DNM3: variants seen among roughly 807,000 people sequenced by gnomAD.
DNM3 encodes the protein dynamin 3, also known as dynamin-3.
In DNM3, 47 loss-of-function variants were observed where a neutral mutation model predicts 101.6. The observed-to-expected ratio is 0.46, with a 90% CI of 0.37 to 0.59. DNM3 has a LOEUF of 0.59. Among genes scored for constraint, DNM3 ranks in the 20% least tolerant of loss-of-function variants. The probability of loss-of-function intolerance (pLI) is 0.00; values close to 1 mark genes in which losing one functional copy is unlikely to be tolerated. For synonymous variants in DNM3, 385 were observed against 387.9 expected, an observed-to-expected ratio of 0.99 and a Z score of 0.09; for missense variants, 849 against 1,085.7, an observed-to-expected ratio of 0.78 and a Z score of 3.06.
At chr1:172,386,242 TTTGA>T (rs1238874451) in intron 18 of DNM3, among the ~76,000 whole-genome samples, 2 of 124,946 alleles carry the variant, frequency 1.6e-5, no homozygotes, top group Non-Finnish European at 3.6e-5. Flanking sequence ...CCTGTCAAAG[TTTGA>T]TTGATGGTAT....
chr1:171,957,187 CT>C (rs370333201), intron 2 of DNM3, among the ~76,000 whole-genome samples: 78 of 145,090 alleles, frequency 5.4e-4, no homozygotes, highest in African/African-American at 1.9e-3. Context: ...TTTTTCTTTT[CT>C]TTCTTTCTTT....
intron 1 of DNM3, among the ~76,000 whole-genome samples, chr1:171,860,312 T>A (rs1442164644): frequency 6.6e-6 from 1 of 152,176 alleles, no homozygotes; most frequent in Non-Finnish European, 1.5e-5. Flanking sequence ...TTGTGAACTT[T>A]AAATATAGAT....
intron 13 of DNM3, among the ~76,000 whole-genome samples, chr1:172,105,469 C>T (rs141264370): frequency 2.6e-5 from 4 of 152,270 alleles, no homozygotes; most frequent in African/African-American, 9.6e-5. Context: ...TTTGTCTTAT[C>T]CCTCCATCTG....
At chr1:172,045,079 T>C (rs7519236) in intron 9 of DNM3, among the ~76,000 whole-genome samples, 56,823 of 151,326 alleles carry the variant, frequency 0.38, 11,212 homozygotes, top group East Asian at 0.68. Context: ...GCGGGCACAG[T>C]ATATATCCAT....
chr1:171,906,802 T>C (rs569727222), intron 1 of DNM3, among the ~76,000 whole-genome samples: 1 of 152,352 alleles, frequency 6.6e-6, no homozygotes, highest in East Asian at 1.9e-4. Context: ...TGCTATGTGC[T>C]TTATGCATGT....
intron 15 of DNM3, among the ~76,000 whole-genome samples, chr1:172,261,978 G>A (rs1573190760): frequency 6.6e-6 from 1 of 152,292 alleles, no homozygotes; most frequent in South Asian, 2.1e-4. Flanking sequence ...GGGAAGGAGT[G>A]GAGCTGAGCC....
chr1:172,343,633 G>A (rs2066792367), intron 17 of DNM3, among the ~76,000 whole-genome samples: 1 of 152,106 alleles, frequency 6.6e-6, no homozygotes, highest in Admixed American at 6.5e-5. Context: ...GAAGCAGCCA[G>A]CTGAAAAATC....
chr1:172,290,051 A>G, intron 15 of DNM3: 2 of 919,144 alleles, frequency 2.2e-6, no homozygotes, highest in Non-Finnish European at 2.6e-6. Flanking sequence ...ATTTATTGTC[A>G]ATAATCTTTG....
chr1:172,193,717 CAT>C (rs888932120), intron 14 of DNM3, among the ~76,000 whole-genome samples: 2 of 152,116 alleles, frequency 1.3e-5, no homozygotes, highest in Non-Finnish European at 2.9e-5. Flanking sequence ...TCCCCTTTAT[CAT>C]TTTTTGTTGC....
intron 17 of DNM3, among the ~76,000 whole-genome samples, chr1:172,335,208 C>T (rs559846224): frequency 7.2e-5 from 11 of 152,176 alleles, no homozygotes; most frequent in African/African-American, 2.6e-4. Flanking sequence ...ATAAGACAGT[C>T]GAAGCTAAAC....
At chr1:172,388,431 A>G in intron 19 of DNM3, 142 bp from the exon 20 acceptor site, 1 of 722,418 alleles carries the variant, frequency 1.4e-6, no homozygotes, top group South Asian at 1.9e-5. Context: ...TTACCCTTTT[A>G]TCCCTTTGAC....
intron 1 of DNM3, among the ~76,000 whole-genome samples, chr1:171,909,159 G>T (rs778844152): frequency 9.2e-5 from 14 of 152,066 alleles, no homozygotes; most frequent in Non-Finnish European, 1.6e-4. Flanking sequence ...CAGAGGTGGT[G>T]GCTGGGCATT....
rs777331641 is a variant in DNM3, at chr1:172,068,825, A to G, written c.1342A>G (p.Asn448Asp). The change falls in exon 11 of 21, where the codon AAC becomes GAC. Residue 448 changes from asparagine to aspartate, a missense_variant. By Grantham distance (23) the Asn-to-Asp change is conservative (BLOSUM62 1). Coordinates refer to ENST00000627582, the MANE Select transcript of DNM3 (RefSeq NM_015569.5). Reference protein sequence around the residue: ...TVKKCTKKLANFPRLCEETER... With the variant: ...TVKKCTKKLADFPRLCEETER... ...GATCTGCTTTTCTTGACAGCTGGCA[A>G]ACTTCCCCAGACTCTGCGAGGAAAC... The G allele has an allele frequency of 3.4e-5, 53 of 1,569,752 alleles. No individual in the cohort carries two copies. Among genetic ancestry groups the G allele is most frequent in the Non-Finnish European group, 8.6e-7 (1 of 1,156,570 alleles).
intron 4 of DNM3, among the ~76,000 whole-genome samples, chr1:172,002,461 A>G (rs894631001): frequency 1.3e-5 from 2 of 152,100 alleles, no homozygotes; most frequent in Admixed American, 6.6e-5. Flanking sequence ...TTTACTATGC[A>G]TTGGGCTTGA....
intron 20 of DNM3, among the ~76,000 whole-genome samples, chr1:172,404,044 G>A (rs2070704582): frequency 6.6e-6 from 1 of 152,088 alleles, no homozygotes; most frequent in Admixed American, 6.6e-5. Context: ...TAGTACAGTT[G>A]TATATACAGA....
chr1:172,308,798 G>A lies in DNM3; in HGVS notation c.1840G>A (p.Ala614Thr), dbSNP rs560306268. The part of the protein sequence containing the change: ...DSQEDVDSWK[A>T]SLLRAGVYPD... ...CCAGGAGGATGTCGACAGCTGGAAGGCATCTCTACTAAGAGCTGGGGTCTA... is the reference window on the plus strand; with the variant it reads ...CCAGGAGGATGTCGACAGCTGGAAGACATCTCTACTAAGAGCTGGGGTCTA... Residue 614 changes from alanine to threonine, a missense_variant, in exon 16 of 21, where the codon GCA becomes ACA. Around this residue, in one of 5 missense-constraint regions of DNM3, gnomAD observed 5 missense variants for 23.4 expected, o/e 0.21. Transcript: ENST00000627582. The A allele has an allele frequency of 6.2e-7, 1 of 1,610,524 alleles. No homozygotes were observed. Among genetic ancestry groups the A allele is most frequent in the Admixed American group, 1.7e-5 (1 of 59,440 alleles).
chr1:172,364,806 C>A (rs1044747307), intron 17 of DNM3, among the ~76,000 whole-genome samples: 2 of 151,802 alleles, frequency 1.3e-5, no homozygotes, highest in Admixed American at 6.6e-5. Context: ...AAAATCTGGT[C>A]ATTTAAAAGT....
At chr1:172,092,909 G>A (rs765165730) in intron 13 of DNM3, 34 bp downstream of exon 13, 5 of 1,519,972 alleles carry the variant, frequency 3.3e-6, no homozygotes, top group Non-Finnish European at 4.4e-6. Flanking sequence ...GTGTATGCAT[G>A]TCCCAAAGAA....
chr1:172,418,400 AT>A (rs1372907572), exon 21 of DNM3: 6 of 1,136,656 alleles, frequency 5.3e-6, no homozygotes, highest in African/African-American at 1.6e-5. Flanking sequence ...TATATGTCGT[AT>A]GTACATAAAA....
Sources: allele counts gnomAD v4.1 joint callset (sites outside exome capture counted in the v4.1 genomes callset), GRCh38; gene constraint gnomAD v4.1.1; regional missense constraint gnomAD v4.1.1; transcripts MANE v1.5; gene names NCBI Gene and HGNC (gene_info 2026-07-23, HGNC 2026-07-21).